AGAP1: variants seen among roughly 807,000 people sequenced by gnomAD.
AGAP1 encodes the protein arf-GAP with GTPase, ANK repeat and PH domain-containing protein 1.
Under a neutral mutation model 105.3 loss-of-function variants are expected in AGAP1, and 29 were observed. The observed-to-expected ratio is 0.28, with a 90% CI of 0.21 to 0.38. The LOEUF (loss-of-function observed/expected upper bound fraction) is 0.38. Ranked by LOEUF, AGAP1 falls within the 10% of genes least tolerant of loss-of-function variation. The pLI is 1.00. For missense variants in AGAP1, 998 were observed against 1,165.1 expected (o/e 0.86, Z 2.09); for synonymous variants, 509 against 485.9 (o/e 1.05, Z -0.63).
Position 235,574,208 on chromosome 2 carries a change from C to G in AGAP1, c.163+79359C>G, listed in dbSNP as rs146376526. On this transcript the variant is annotated intron_variant, in intron 1 of 17. Transcript: ENST00000304032. This position sits in a 1 kb window ranked among gnomAD's most constrained non-coding sequence, Gnocchi z 5.0. ...GGCACCTGAAGCATCTGGGCCTGGA[C>G]GGACTCTTTCAGGTTGTTTGGATAA... Among the ~76,000 whole-genome samples, 264 of 152,310 alleles carry G rather than the reference C, an allele frequency of 1.7e-3. 1 individual carries two copies. The highest frequency in any genetic ancestry group is 3.1e-3 in the Non-Finnish European group (209 of 68,020).
rs1007922658 is a variant in AGAP1, at chr2:235,734,032, G to A, written c.311-6931G>A. ...TTCAGTATTTTTATCAAAGTTAAAT[G>A]AGCCAAACTTATTTTTTACAAATTT... On this transcript the variant is annotated intron_variant, in intron 3 of 17. Coordinates refer to ENST00000304032, the MANE Select transcript of AGAP1 (RefSeq NM_001037131.3). The surrounding 1 kb of genome is among the most constrained non-coding windows in gnomAD (Gnocchi z 5.3). Among the ~76,000 whole-genome samples, 11 of 152,108 alleles carry A rather than the reference G, an allele frequency of 7.2e-5. No homozygotes were observed. Among genetic ancestry groups the A allele is most frequent in the African/African-American group, 2.7e-4 (11 of 41,408 alleles).
At chr2:235,943,730 A>G (rs1217463434) in intron 12 of AGAP1, among the ~76,000 whole-genome samples, 1 of 152,160 alleles carries the variant, frequency 6.6e-6, no homozygotes, top group East Asian at 1.9e-4. Context: ...TTTAAAATGA[A>G]CAAGTTGTTA....
chr2:235,768,752 C>G (rs1955182461), intron 6 of AGAP1, among the ~76,000 whole-genome samples: 1 of 152,188 alleles, frequency 6.6e-6, no homozygotes, highest in African/African-American at 2.4e-5. Flanking sequence ...AGGGTAGGCA[C>G]AGCCGCCGTG....
intron 1 of AGAP1, among the ~76,000 whole-genome samples, chr2:235,652,578 G>A (rs1947631632): frequency 6.6e-6 from 1 of 152,102 alleles, no homozygotes; most frequent in Non-Finnish European, 1.5e-5. Flanking sequence ...AGAACTCAAG[G>A]GTAGAGTTGA....
intron 1 of AGAP1, among the ~76,000 whole-genome samples, chr2:235,563,760 C>T (rs576215127): frequency 1.6e-4 from 24 of 152,244 alleles, no homozygotes; most frequent in African/African-American, 5.5e-4. Flanking sequence ...AGGAAGCTAG[C>T]GTTTCTTGAG....
chr2:235,717,582 G>C lies in AGAP1; in HGVS notation c.248G>C (p.Gly83Ala). ...GGAATTGTGGGTAACTTGGCCAGCG[G>C]CAAGTCTGCCCTGGTGCACCGGTAC... is the stretch of plus-strand genomic sequence containing the variant. ...KVGIVGNLASGKSALVHRYLT... is the reference protein window; with the variant it reads ...KVGIVGNLASAKSALVHRYLT... The change falls in exon 3 of 18, where the codon GGC becomes GCC. Residue 83 changes from glycine (G) to alanine (A), a missense_variant. By Grantham distance (60) the Gly-to-Ala change is moderately conservative (BLOSUM62 0). Transcript: ENST00000304032. The C allele has an allele frequency of 6.2e-7, 1 of 1,600,988 alleles. No homozygotes were observed. The highest frequency in any genetic ancestry group is 1.1e-5 in the South Asian group (1 of 88,010).
intron 1 of AGAP1, among the ~76,000 whole-genome samples, chr2:235,657,698 C>T (rs189775498): frequency 8.1e-4 from 124 of 152,230 alleles, no homozygotes; most frequent in South Asian, 3.9e-3. Flanking sequence ...TGTGATTATT[C>T]CATAACCATG....
chr2:235,676,105 G>A (rs868750462), intron 1 of AGAP1, among the ~76,000 whole-genome samples: 8 of 152,322 alleles, frequency 5.3e-5, no homozygotes, highest in Admixed American at 2.0e-4. Context: ...GGCAGTGGAA[G>A]CTGGAGCTAA....
rs1961161164 is a variant in AGAP1 at position 235,843,910 on chromosome 2, G to A, written c.1050+36579G>A. The stretch of plus-strand genomic sequence containing the variant: ...GGCCGCCAGTGGTGTGGAGCTGGCC[G>A]AGAAAGGAGCCTGCTTCCCAGCATG... On this transcript the variant is annotated intron_variant, in intron 9 of 17. Coordinates refer to ENST00000304032, the MANE Select transcript of AGAP1 (RefSeq NM_001037131.3). The surrounding 1 kb of genome is among the most constrained non-coding windows in gnomAD (Gnocchi z 5.9). 6.6e-6 allele frequency among the ~76,000 whole-genome samples: 1 copy of A among 152,198 alleles called. No individual in the cohort carries two copies. Among genetic ancestry groups the A allele is most frequent in the South Asian group, 2.1e-4 (1 of 4,824 alleles).
chr2:235,699,575 T>C (rs183065198), intron 1 of AGAP1, among the ~76,000 whole-genome samples: 359 of 152,306 alleles, frequency 2.4e-3, no homozygotes, highest in Non-Finnish European at 4.2e-3. Flanking sequence ...CTTAGAGCCA[T>C]GAAATGCCCT....
Position 235,906,007 on chromosome 2 carries a change from G to T in AGAP1, c.1156-2731G>T, listed in dbSNP as rs931859609. Among the ~76,000 whole-genome samples the T allele has an allele frequency of 4.6e-5, 7 of 152,144 alleles. No homozygotes were observed. The highest frequency in any genetic ancestry group is 1.0e-4 in the Non-Finnish European group (7 of 68,018). ...CAAGTGGAATCCCTTTCGGGGGCTG[G>T]TGAAGTCAGATTTGTTGTTCCCAGC... On this transcript the variant is annotated intron_variant, in intron 10 of 17. Transcript: ENST00000304032. The surrounding 1 kb of genome is among the most constrained non-coding windows in gnomAD (Gnocchi z 5.3).
rs552766747 is a variant in AGAP1, at chr2:235,855,950, G to C, written c.1051-27395G>C. Among the ~76,000 whole-genome samples, 1 of 152,004 alleles carries C rather than the reference G, an allele frequency of 6.6e-6. No individual in the cohort carries two copies. Among genetic ancestry groups the C allele is most frequent in the Non-Finnish European group, 1.5e-5 (1 of 67,996 alleles). On this transcript the variant is annotated intron_variant, in intron 9 of 17. Transcript: ENST00000304032. The surrounding 1 kb of genome is among the most constrained non-coding windows in gnomAD (Gnocchi z 5.0). ...TTCTTTTGAGATGGAGTCTCGCTCT[G>C]TCACCCAGGCTGGAGTGCAATGGCA...
Position 235,951,222 on chromosome 2 carries a change from G to T in AGAP1, c.1484-17240G>T, listed in dbSNP as rs1416041217. 2.0e-5 allele frequency among the ~76,000 whole-genome samples: 3 copies of T among 152,216 alleles called. No homozygotes were observed. The highest frequency in any genetic ancestry group is 7.2e-5 in the African/African-American group (3 of 41,460). On this transcript the variant is annotated intron_variant, in intron 12 of 17. Transcript: ENST00000304032. The surrounding 1 kb of genome is among the most constrained non-coding windows in gnomAD (Gnocchi z 4.2). ...TGCTTTAGAAGACACTTCCGACTTT[G>T]ATCTGCAGTTGCGGATGAAGATGCT...
chr2:235,561,673 A>G (rs1301507741), intron 1 of AGAP1, among the ~76,000 whole-genome samples: 1 of 152,206 alleles, frequency 6.6e-6, no homozygotes, highest in African/African-American at 2.4e-5. Flanking sequence ...TAGCTAATTC[A>G]GTATTTGGAA....
intron 1 of AGAP1, among the ~76,000 whole-genome samples, chr2:235,629,267 A>G (rs935885271): frequency 1.7e-5 from 2 of 116,694 alleles, no homozygotes; most frequent in African/African-American, 3.4e-5. Context: ...AGTAGTAGTC[A>G]TTGTGTGTGT....
At chr2:235,950,242 T>C (rs897285980) in intron 12 of AGAP1, among the ~76,000 whole-genome samples, 2 of 152,124 alleles carry the variant, frequency 1.3e-5, no homozygotes, top group Admixed American at 6.6e-5. Context: ...CCAGGGAAAG[T>C]CTTCTCTCCC....
Position 236,073,739 on chromosome 2 carries a change from G to T in AGAP1, c.2114+24458G>T, listed in dbSNP as rs546767128. Among the ~76,000 whole-genome samples the T allele has an allele frequency of 2.0e-5, 3 of 152,218 alleles. No homozygotes were observed. The highest frequency in any genetic ancestry group is 1.5e-5 in the Non-Finnish European group (1 of 68,008). On this transcript the variant is annotated intron_variant, in intron 16 of 17. Coordinates refer to ENST00000304032, the MANE Select transcript of AGAP1 (RefSeq NM_001037131.3). The surrounding 1 kb of genome is among the most constrained non-coding windows in gnomAD (Gnocchi z 5.4). ...TTTTGTAACTTGTAACTTCATTGGT[G>T]GTGGGGGTACAGGCAGGTCAGCTTG...
rs77097636 is a variant in AGAP1 at position 235,780,938 on chromosome 2, T to C, written c.674-16821T>C. ...AAATACTGTGGGGTTTTTAAATGGCTTTAAAATTTTACATGTATAAGAATA... is the reference window on the plus strand; with the variant it reads ...AAATACTGTGGGGTTTTTAAATGGCCTTAAAATTTTACATGTATAAGAATA... On this transcript the variant is annotated intron_variant, in intron 6 of 17. Coordinates refer to ENST00000304032, the MANE Select transcript of AGAP1 (RefSeq NM_001037131.3). Among the ~76,000 whole-genome samples, 1,120 of 152,318 alleles carry C rather than the reference T, an allele frequency of 7.4e-3. 43 individuals are homozygous for C. The East Asian group carries it at 0.12, about 17-fold the overall frequency.
intron 1 of AGAP1, among the ~76,000 whole-genome samples, chr2:235,694,708 CTCG>C (rs2149453643): frequency 6.6e-6 from 1 of 152,276 alleles, no homozygotes; most frequent in East Asian, 1.9e-4. Context: ...CTTGCTCCTC[CTCG>C]TCTTGCTCAG....
Sources: allele counts gnomAD v4.1 joint callset (sites outside exome capture counted in the v4.1 genomes callset), GRCh38; gene constraint gnomAD v4.1.1; non-coding constraint Gnocchi (gnomAD v3.1); transcripts MANE v1.5; gene names NCBI Gene and HGNC (gene_info 2026-07-23, HGNC 2026-07-21).